Variants in TNR observed in about 807,000 individuals in gnomAD.
TNR encodes the protein tenascin R.
Under a neutral mutation model 150.4 loss-of-function variants are expected in TNR, and 45 were observed. That is an observed-to-expected ratio of 0.30 (90% CI 0.24 to 0.38). TNR has a LOEUF of 0.38. TNR is among the 10% of genes least tolerant of loss of function. The probability of loss-of-function intolerance (pLI) is 1.00; values close to 1 mark genes in which losing one functional copy is unlikely to be tolerated. For synonymous variants in TNR, 687 were observed against 678.4 expected, an observed-to-expected ratio of 1.01 and a Z score of -0.20; for missense variants, 1,544 against 1,759.1, an observed-to-expected ratio of 0.88 and a Z score of 2.19.
chr1:175,512,180 T>C (rs1313041515), intron 2 of TNR, among the ~76,000 whole-genome samples: 1 of 152,190 alleles, frequency 6.6e-6, no homozygotes, highest in Non-Finnish European at 1.5e-5. Flanking sequence ...GCCAGAACTA[T>C]CTGGGGAAAG....
rs143444096 is a variant in TNR at position 175,600,198 on chromosome 1, A to AG, written c.-164-71830_-164-71829insC. Reference sequence around the variant, plus strand: ...TTTGTACAATGGAGATAATAGTAATATACCTTAAAGAGGTGTTATGAGGTG... The same window carrying AG: ...TTTGTACAATGGAGATAATAGTAATAGTACCTTAAAGAGGTGTTATGAGGTG... On this transcript the variant is annotated intron_variant, in intron 1 of 22. Transcript: ENST00000367674. 9.6e-3 allele frequency among the ~76,000 whole-genome samples: 1,464 copies of AG among 152,332 alleles called. 10 individuals are homozygous for AG. The highest frequency in any genetic ancestry group is 0.031 in the East Asian group (163 of 5,184).
intron 1 of TNR, among the ~76,000 whole-genome samples, chr1:175,679,645 T>C (rs1463517503): frequency 1.3e-5 from 2 of 152,134 alleles, no homozygotes; most frequent in African/African-American, 2.4e-5. Context: ...CAAAGATTTC[T>C]TGGAAGAGGC....
chr1:175,516,007 A>G (rs1659390724), intron 2 of TNR, among the ~76,000 whole-genome samples: 1 of 152,226 alleles, frequency 6.6e-6, no homozygotes, highest in South Asian at 2.1e-4. Flanking sequence ...TGGACTAAGA[A>G]TGGATGGATG....
intron 2 of TNR, among the ~76,000 whole-genome samples, chr1:175,494,389 G>C (rs149431999): frequency 6.6e-6 from 1 of 152,382 alleles, no homozygotes; most frequent in South Asian, 2.1e-4. Context: ...CGACAGTGAC[G>C]ATGCAACTCT....
At chr1:175,479,364 C>T (rs1048962756) in intron 2 of TNR, among the ~76,000 whole-genome samples, 2 of 152,110 alleles carry the variant, frequency 1.3e-5, no homozygotes, top group Non-Finnish European at 2.9e-5. Flanking sequence ...AGTTTCCCCC[C>T]ACCAACAATG....
rs12402725 is a variant in TNR at position 175,668,452 on chromosome 1, G to A, written c.-165+74774C>T. On this transcript the variant is annotated intron_variant, in intron 1 of 22. Transcript: ENST00000367674. ...CTGCAATCTGGCATCCCCACAGTAG[G>A]GAGGGGGCTCTTCCTAAGCATGGCT... Among the ~76,000 whole-genome samples the A allele has an allele frequency of 5.3e-3, 812 of 152,242 alleles. 23 individuals carry two copies. Among genetic ancestry groups the A allele is most frequent in the Admixed American group, 0.049 (750 of 15,292 alleles).
chr1:175,676,653 G>T (rs933505349), intron 1 of TNR, among the ~76,000 whole-genome samples: 1 of 152,168 alleles, frequency 6.6e-6, no homozygotes, highest in Non-Finnish European at 1.5e-5. Flanking sequence ...AAGAGGAAAA[G>T]CAGCCAGAAA....
chr1:175,377,000 C>T (rs1652422414), intron 9 of TNR, among the ~76,000 whole-genome samples: 1 of 151,848 alleles, frequency 6.6e-6, no homozygotes, highest in South Asian at 2.1e-4. Context: ...TTGGACTGTC[C>T]CTTACATTTT....
At chr1:175,620,290 C>A (rs982717096) in intron 1 of TNR, among the ~76,000 whole-genome samples, 1 of 152,180 alleles carries the variant, frequency 6.6e-6, no homozygotes, top group Non-Finnish European at 1.5e-5. Flanking sequence ...TTATTACCAA[C>A]CCCACAGTTA....
At chr1:175,676,168 G>A (rs928584897) in intron 1 of TNR, among the ~76,000 whole-genome samples, 12 of 152,104 alleles carry the variant, frequency 7.9e-5, no homozygotes, top group African/African-American at 1.7e-4. Context: ...AGAAAGCTGC[G>A]ATTTAACAGT....
intron 1 of TNR, among the ~76,000 whole-genome samples, chr1:175,542,814 C>T (rs1660555807): frequency 6.6e-6 from 1 of 152,156 alleles, no homozygotes; most frequent in South Asian, 2.1e-4. Flanking sequence ...TCAACTAAAA[C>T]TTATTCCACT....
At chr1:175,624,226 C>T (rs1476064455) in intron 1 of TNR, among the ~76,000 whole-genome samples, 1 of 152,160 alleles carries the variant, frequency 6.6e-6, no homozygotes, top group Non-Finnish European at 1.5e-5. Context: ...GTCATCCTCA[C>T]TATATTGAGA....
chr1:175,371,137 C>T (rs1227971031), intron 9 of TNR, among the ~76,000 whole-genome samples: 2 of 152,054 alleles, frequency 1.3e-5, no homozygotes, highest in East Asian at 3.8e-4. Flanking sequence ...CTGAGTACTC[C>T]TAGGGATTTC....
intron 1 of TNR, among the ~76,000 whole-genome samples, chr1:175,717,687 C>T (rs1384735758): frequency 2.6e-5 from 4 of 152,178 alleles, no homozygotes; most frequent in East Asian, 1.9e-4. Flanking sequence ...ACAGTGGAGT[C>T]AGGCACAGAG....
intron 1 of TNR, among the ~76,000 whole-genome samples, chr1:175,610,102 T>G (rs946049770): frequency 1.3e-5 from 2 of 152,204 alleles, no homozygotes; most frequent in African/African-American, 4.8e-5. Context: ...ACCAGCCACC[T>G]CAGGAAAAAT....
chr1:175,577,881 C>T (rs1214595188), intron 1 of TNR, among the ~76,000 whole-genome samples: 1 of 152,136 alleles, frequency 6.6e-6, no homozygotes, highest in African/African-American at 2.4e-5. Context: ...CATGCCATTG[C>T]TCATGCAGAT....
chr1:175,588,476 T>C (rs1184754690), intron 1 of TNR, among the ~76,000 whole-genome samples: 1 of 152,366 alleles, frequency 6.6e-6, no homozygotes, highest in South Asian at 2.1e-4. Flanking sequence ...AGCATCATAG[T>C]AGCTGCTGGG....
At chr1:175,601,393 A>G (rs754187920) in intron 1 of TNR, among the ~76,000 whole-genome samples, 1 of 152,212 alleles carries the variant, frequency 6.6e-6, no homozygotes, top group Non-Finnish European at 1.5e-5. Flanking sequence ...TGGGGGACTT[A>G]GTGTGTGATC....
At chr1:175,326,732 A>G (rs981361478) in intron 21 of TNR, among the ~76,000 whole-genome samples, 1 of 152,144 alleles carries the variant, frequency 6.6e-6, no homozygotes. Flanking sequence ...CAATGGCACA[A>G]TCTTGGTTCA....
Sources: gnomAD v4.1 joint callset for allele counts (sites outside exome capture counted in the v4.1 genomes callset) on GRCh38, gnomAD v4.1.1 for gene constraint, MANE v1.5 for transcripts, NCBI Gene and HGNC (gene_info 2026-07-23, HGNC 2026-07-21) for gene names.